Variants in SCARA5 observed in about 807,000 individuals in gnomAD.
SCARA5 encodes scavenger receptor class A, member 5 (putative).
SCARA5 carries 45 observed loss-of-function variants against 46.3 expected under a neutral mutation model. That is an observed-to-expected ratio of 0.97 (90% confidence interval 0.76 to 1.24). The LOEUF is 1.24. Among genes scored for constraint, SCARA5 ranks in the 50% most tolerant of loss-of-function variants. The pLI is 0.00. For synonymous variants in SCARA5, 333 were observed against 306.5 expected (o/e 1.09, Z -0.90); for missense variants, 680 against 689.0 (o/e 0.99, Z 0.15).
rs1345218272 is a variant in SCARA5 at position 27,992,361 on chromosome 8, C to T, written c.-120G>A. 6.6e-6 allele frequency: 1 copy of T among 152,504 alleles called. No individual in the cohort carries two copies. The highest frequency in any genetic ancestry group is 2.1e-4 in the South Asian group (1 of 4,838). 9.4% of individuals were successfully genotyped at this position (152,504 alleles called of 1,614,324 possible). ...CCACCACGCTGAGAGCCAGGCCGCC[C>T]CTCGGACCGCGTCCCCACAGCCAGC... On this transcript the variant is annotated 5_prime_UTR_variant, in exon 1 of 9. Transcript: ENST00000354914.
chr8:27,887,412 C>T (rs1307212283), intron 7 of SCARA5, among the ~76,000 whole-genome samples: 1 of 152,168 alleles, frequency 6.6e-6, no homozygotes, highest in East Asian at 1.9e-4. Context: ...TCCATGCCTT[C>T]ATGGTTTGCA....
At chr8:27,904,731 G>C in intron 7 of SCARA5, 47 bp downstream of exon 7, 1 of 1,527,088 alleles carries the variant, frequency 6.5e-7, no homozygotes. Context: ...GGGACAGCTA[G>C]CCCTGTGCCA....
intron 7 of SCARA5, among the ~76,000 whole-genome samples, chr8:27,883,117 C>T (rs565941313): frequency 1.1e-4 from 16 of 152,356 alleles, no homozygotes; most frequent in Middle Eastern, 3.4e-3. Flanking sequence ...GATCTCTAAA[C>T]TCAGTGCTTG....
intron 2 of SCARA5, among the ~76,000 whole-genome samples, chr8:27,973,720 G>A (rs1256333030): frequency 6.6e-6 from 1 of 152,186 alleles, no homozygotes; most frequent in Non-Finnish European, 1.5e-5. Flanking sequence ...ATGGCACGGA[G>A]GCCACAGCTC....
At chr8:27,967,349 C>T (rs937568461) in intron 2 of SCARA5, among the ~76,000 whole-genome samples, 5 of 152,156 alleles carry the variant, frequency 3.3e-5, no homozygotes, top group Non-Finnish European at 7.3e-5. Context: ...CAAATCCGGC[C>T]CCAGGACCCA....
Position 27,871,892 on chromosome 8 carries a change from G to A in SCARA5, c.*42C>T, listed in dbSNP as rs753162666. ...GTGCCCCACCCCAGGGATGCAGGAA[G>A]GGTGCTCTGTGCAGGACCCCGAACT... is the stretch of plus-strand genomic sequence containing the variant. On this transcript the variant is annotated 3_prime_UTR_variant, in exon 9 of 9. Transcript: ENST00000354914. The A allele has an allele frequency of 1.9e-6, 3 of 1,612,550 alleles. No homozygotes were observed. The highest frequency in any genetic ancestry group is 3.3e-5 in the Admixed American group (2 of 60,016).
chr8:27,911,723 G>A (rs1050835778), intron 4 of SCARA5, among the ~76,000 whole-genome samples: 3 of 152,070 alleles, frequency 2.0e-5, no homozygotes, highest in Non-Finnish European at 2.9e-5. Context: ...GAAAAGAAAA[G>A]GAGGACCATG....
Position 27,879,632 on chromosome 8 carries a change from C to A in SCARA5, c.1288G>T (p.Val430Leu). The change falls in exon 8 of 9, where the codon GTG (valine) becomes TTG (leucine). Residue 430 changes from valine (V) to leucine (L), a missense_variant. This residue lies in a region of SCARA5 where 219 missense variants were observed against 269.5 expected (regional missense o/e 0.81). Transcript: ENST00000354914. The part of the protein sequence containing the change: ...DGWDKKDGDV[V>L]CRMLGFRGVE... The stretch of plus-strand genomic sequence containing the variant: ...CCGCGGAAGCCGAGCATGCGGCACA[C>A]CACGTCTCCGTCCTTCTTGTCCCAG... 1 of 1,612,330 alleles carries A rather than the reference C, an allele frequency of 6.2e-7. No individual in the cohort carries two copies.
intron 8 of SCARA5, among the ~76,000 whole-genome samples, chr8:27,876,932 G>C (rs904447670): frequency 3.9e-5 from 6 of 152,086 alleles, no homozygotes; most frequent in Non-Finnish European, 8.8e-5. Flanking sequence ...ATGCTGGCAG[G>C]GTGGCTCTGC....
intron 3 of SCARA5, among the ~76,000 whole-genome samples, chr8:27,963,361 C>T (rs959019347): frequency 3.3e-5 from 5 of 152,168 alleles, no homozygotes; most frequent in South Asian, 4.1e-4. Flanking sequence ...AAAAATGAAT[C>T]GGGAACAGAA....
At chr8:27,891,624 C>T (rs1291762771) in intron 7 of SCARA5, among the ~76,000 whole-genome samples, 2 of 152,218 alleles carry the variant, frequency 1.3e-5, no homozygotes, top group African/African-American at 2.4e-5. Context: ...CCAGCCAACA[C>T]CTGAAGACAG....
chr8:27,928,820 C>CA (rs1295264167), intron 3 of SCARA5, among the ~76,000 whole-genome samples: 10 of 152,154 alleles, frequency 6.6e-5, no homozygotes, highest in African/African-American at 2.4e-4. Flanking sequence ...CACCCACCAC[C>CA]ACACCCGGCT....
intron 7 of SCARA5, among the ~76,000 whole-genome samples, chr8:27,894,498 C>T (rs1807031096): frequency 6.6e-6 from 1 of 152,168 alleles, no homozygotes; most frequent in African/African-American, 2.4e-5. Context: ...CTGGGAAGCA[C>T]CTGGGAAGCT....
At chr8:27,951,504 G>A (rs964768911) in intron 3 of SCARA5, among the ~76,000 whole-genome samples, 3 of 152,256 alleles carry the variant, frequency 2.0e-5, no homozygotes, top group South Asian at 2.1e-4. Context: ...AGGCCCCCGA[G>A]GCTCACAGGG....
chr8:27,869,892 G>C lies in SCARA5; in HGVS notation c.*2042C>G, dbSNP rs1347774181. On this transcript the variant is annotated 3_prime_UTR_variant, in exon 9 of 9. Coordinates refer to ENST00000354914, the MANE Select transcript of SCARA5 (RefSeq NM_173833.6). The stretch of plus-strand genomic sequence containing the variant: ...GTGTGTAATGGAAAGCTTGTGACAT[G>C]TTTTTTGCTTTATTGAAATTCTTTC... 6.6e-6 allele frequency: 1 copy of C among 152,202 alleles called. No homozygotes were observed. The highest frequency in any genetic ancestry group is 2.4e-5 in the African/African-American group (1 of 41,444). The allele number at this position is 152,202 out of a possible 1,614,324, so 9.4% of individuals were successfully genotyped here.
chr8:27,985,919 TA>T (rs1241763547), intron 2 of SCARA5, among the ~76,000 whole-genome samples: 3 of 152,114 alleles, frequency 2.0e-5, no homozygotes, highest in African/African-American at 7.2e-5. Flanking sequence ...ATGAGCTTTT[TA>T]AAAAAACAAT....
chr8:27,886,070 A>C (rs576735087), intron 7 of SCARA5: 2 of 154,766 alleles, frequency 1.3e-5, no homozygotes, highest in Admixed American at 1.3e-4. Context: ...TAGGGACCAC[A>C]TTGATCTCAG....
rs752297118 is a variant in SCARA5 at position 27,930,406 on chromosome 8, C to CT, written c.242-8162dup. ...GTGGAACTGTGAGTCTATTAAACTTCTTTTTTTTTTTTTGAGACGGAGTTT... is the reference window on the plus strand; with the variant it reads ...GTGGAACTGTGAGTCTATTAAACTTCTTTTTTTTTTTTTTGAGACGGAGTTT... On this transcript the variant is annotated intron_variant, in intron 3 of 8. Coordinates refer to ENST00000354914, the MANE Select transcript of SCARA5 (RefSeq NM_173833.6). Among the ~76,000 whole-genome samples the CT allele has an allele frequency of 7.6e-3, 1,107 of 145,458 alleles. 3 individuals carry two copies. Among genetic ancestry groups the CT allele is most frequent in the Non-Finnish European group, 0.011 (708 of 65,734 alleles).
chr8:27,900,092 C>T (rs920780688), intron 7 of SCARA5, among the ~76,000 whole-genome samples: 2 of 151,656 alleles, frequency 1.3e-5, no homozygotes, highest in Admixed American at 1.3e-4. Flanking sequence ...GAGCCGAGAT[C>T]GTGCCACTGC....
Sources: allele counts gnomAD v4.1 joint callset (sites outside exome capture counted in the v4.1 genomes callset), GRCh38; gene constraint gnomAD v4.1.1; regional missense constraint gnomAD v4.1.1; transcripts MANE v1.5; gene names NCBI Gene and HGNC (gene_info 2026-07-23, HGNC 2026-07-21).